MGMT: variants seen among roughly 807,000 people sequenced by gnomAD.
MGMT encodes the protein methylated-DNA--protein-cysteine methyltransferase.
A neutral mutation model predicts 15.9 loss-of-function variants in MGMT; 14 were observed. That is an observed-to-expected ratio of 0.88 (90% CI 0.58 to 1.37). The LOEUF (loss-of-function observed/expected upper bound fraction) is 1.37. Ranked by LOEUF, MGMT falls within the 40% of genes most tolerant of loss-of-function variation. The pLI is 0.00. For synonymous variants in MGMT, 130 were observed against 118.2 expected, an observed-to-expected ratio of 1.10 and a Z score of -0.65; for missense variants, 282 against 268.1, an observed-to-expected ratio of 1.05 and a Z score of -0.36.
intron 2 of MGMT, among the ~76,000 whole-genome samples, chr10:129,615,183 C>G (rs1564737774): frequency 1.3e-5 from 2 of 152,122 alleles, no homozygotes; most frequent in Non-Finnish European, 2.9e-5. Context: ...AAAGTCATTT[C>G]CAGTTGTTTC....
At chr10:129,490,901 T>C (rs1589833550) in intron 1 of MGMT, among the ~76,000 whole-genome samples, 1 of 152,246 alleles carries the variant, frequency 6.6e-6, no homozygotes, top group Non-Finnish European at 1.5e-5. Flanking sequence ...CTGGACTTAC[T>C]ATAGTTCACC....
chr10:129,468,068 G>GAGGGGCCACCAC (rs58081483), intron 1 of MGMT, among the ~76,000 whole-genome samples: 1 of 151,864 alleles, frequency 6.6e-6, no homozygotes, highest in South Asian at 2.1e-4. Context: ...TTGGTCCAGA[G>GAGGGGCCACCAC]AGCTGTTCTC....
At chr10:129,539,462 G>A (rs1217129919) in intron 2 of MGMT, among the ~76,000 whole-genome samples, 4 of 152,112 alleles carry the variant, frequency 2.6e-5, no homozygotes, top group East Asian at 1.9e-4. Flanking sequence ...TTCTATGCCC[G>A]TTCCATGCTG....
rs2119752969 is a variant in MGMT at position 129,533,119 on chromosome 10, G to T, written c.-12-3122G>T. On this transcript the variant is annotated intron_variant, in intron 1 of 4. Coordinates refer to ENST00000651593, the MANE Select transcript of MGMT (RefSeq NM_002412.5). The surrounding 1 kb of genome is among the most constrained non-coding windows in gnomAD (Gnocchi z 4.5). ...TTCCAGGGGCAATGGTGGCAACAGTGCCAGCTGCCCTGCCTGCTGTGCCTG... is the reference window on the plus strand; with the variant it reads ...TTCCAGGGGCAATGGTGGCAACAGTTCCAGCTGCCCTGCCTGCTGTGCCTG... Among the ~76,000 whole-genome samples the T allele has an allele frequency of 6.6e-6, 1 of 152,342 alleles. No individual in the cohort carries two copies. Among genetic ancestry groups the T allele is most frequent in the South Asian group, 2.1e-4 (1 of 4,828 alleles).
At chr10:129,615,041 G>A (rs1847007285) in intron 2 of MGMT, among the ~76,000 whole-genome samples, 1 of 152,024 alleles carries the variant, frequency 6.6e-6, no homozygotes, top group Non-Finnish European at 1.5e-5. Flanking sequence ...GTAGGGATTT[G>A]TGGAATTTTG....
chr10:129,606,476 G>C (rs1846892297), intron 2 of MGMT, among the ~76,000 whole-genome samples: 1 of 152,212 alleles, frequency 6.6e-6, no homozygotes, highest in Non-Finnish European at 1.5e-5. Flanking sequence ...TGAGGTCTCT[G>C]TAAACATGCT....
intron 1 of MGMT, among the ~76,000 whole-genome samples, chr10:129,506,412 C>T (rs1000060148): frequency 4.6e-5 from 7 of 152,138 alleles, no homozygotes; most frequent in Admixed American, 1.3e-4. Flanking sequence ...TTCCCATCAC[C>T]CTATGGCAAA....
At chr10:129,545,415 C>A (rs1466768145) in intron 2 of MGMT, among the ~76,000 whole-genome samples, 4 of 152,206 alleles carry the variant, frequency 2.6e-5, no homozygotes, top group Non-Finnish European at 2.9e-5. Flanking sequence ...AGGCTCAGCA[C>A]TGGATTTGTC....
intron 1 of MGMT, among the ~76,000 whole-genome samples, chr10:129,487,824 G>T (rs536726442): frequency 2.6e-5 from 4 of 151,538 alleles, no homozygotes; most frequent in Non-Finnish European, 5.9e-5. Flanking sequence ...CTGATTGTGG[G>T]TTATATTTCT....
intron 3 of MGMT, among the ~76,000 whole-genome samples, chr10:129,720,299 T>C (rs1848354566): frequency 6.6e-6 from 1 of 152,156 alleles, no homozygotes; most frequent in Non-Finnish European, 1.5e-5. Context: ...GGATGACACG[T>C]TCAAAGCGTG....
At position 129,767,194 on chromosome 10, in the gene MGMT, C is replaced by T. The variant is rs1387340696; in HGVS notation, c.*197C>T. 5.8e-6 allele frequency: 3 copies of T among 516,692 alleles called. No individual in the cohort carries two copies. Among genetic ancestry groups the T allele is most frequent in the Non-Finnish European group, 1.0e-5 (3 of 295,400 alleles). The allele number at this position is 516,692 out of a possible 1,614,324, so 32.0% of individuals were successfully genotyped here. ...TGCACACATTTGTTTCCTTCTCTAA[C>T]GCTGCCCTTGCTCTATTTTTCATGT... On this transcript the variant is annotated 3_prime_UTR_variant, in exon 5 of 5. Coordinates refer to ENST00000651593, the MANE Select transcript of MGMT (RefSeq NM_002412.5).
At chr10:129,649,910 T>C (rs1279638638) in intron 2 of MGMT, among the ~76,000 whole-genome samples, 1 of 152,236 alleles carries the variant, frequency 6.6e-6, no homozygotes, top group African/African-American at 2.4e-5. Context: ...AAACTGTTTA[T>C]CTTCTCCACA....
chr10:129,490,375 A>G (rs558260740), intron 1 of MGMT, among the ~76,000 whole-genome samples: 33 of 152,326 alleles, frequency 2.2e-4, no homozygotes, highest in African/African-American at 7.7e-4. Flanking sequence ...TCCTGGGATG[A>G]ACATTACTTG....
chr10:129,500,709 C>G (rs1468914307), intron 1 of MGMT, among the ~76,000 whole-genome samples: 1 of 152,060 alleles, frequency 6.6e-6, no homozygotes, highest in African/African-American at 2.4e-5. Flanking sequence ...ACCACCACAC[C>G]TTCCTGATTT....
intron 4 of MGMT, among the ~76,000 whole-genome samples, chr10:129,764,483 A>G (rs1290854172): frequency 6.6e-6 from 1 of 152,146 alleles, no homozygotes; most frequent in African/African-American, 2.4e-5. Flanking sequence ...AGTAGCAGTC[A>G]CCTCCCCAGG....
At chr10:129,738,591 T>C (rs917142002) in intron 3 of MGMT, among the ~76,000 whole-genome samples, 6 of 152,226 alleles carry the variant, frequency 3.9e-5, no homozygotes, top group Non-Finnish European at 5.9e-5. Context: ...ATGTGCCACA[T>C]TTTCTTAATC....
intron 2 of MGMT, among the ~76,000 whole-genome samples, chr10:129,606,933 A>C (rs573893176): frequency 6.6e-6 from 1 of 152,352 alleles, no homozygotes; most frequent in East Asian, 1.9e-4. Flanking sequence ...ATTTGACTGC[A>C]ATATTTAATA....
intron 1 of MGMT, among the ~76,000 whole-genome samples, chr10:129,517,804 CAT>C (rs146701003): frequency 0.077 from 11,780 of 152,226 alleles, 745 homozygotes; most frequent in African/African-American, 0.16. Flanking sequence ...CACGGGAAAG[CAT>C]ATTCCCAAAT....
rs562611749 is a variant in MGMT at position 129,687,715 on chromosome 10, T to C, written c.126-20180T>C. Among the ~76,000 whole-genome samples the C allele has an allele frequency of 8.4e-5, 12 of 143,214 alleles. No homozygotes were observed. The East Asian group carries it at 2.6e-3, about 31-fold the overall frequency. The allele number at this position is 143,214 out of a possible 152,430, so 94.0% of individuals were successfully genotyped here. ...GTGTAGCCCTTTTTTTTTTTTTTTA[T>C]ACTTTAAGTTCTAGGGTACATGTGC... On this transcript the variant is annotated intron_variant, in intron 2 of 4. Transcript: ENST00000651593.
Sources: gnomAD v4.1 joint callset for allele counts (sites outside exome capture counted in the v4.1 genomes callset) on GRCh38, gnomAD v4.1.1 for gene constraint, Gnocchi (gnomAD v3.1) non-coding constraint, MANE v1.5 for transcripts, NCBI Gene and HGNC (gene_info 2026-07-23, HGNC 2026-07-21) for gene names.